The following SRSF10 variants were observed in gnomAD, a reference collection of about 807,000 sequenced individuals.
The protein encoded by SRSF10 is serine/arginine-rich splicing factor 10.
In SRSF10, 9 loss-of-function variants were observed where a neutral mutation model predicts 32.6. The observed-to-expected ratio is 0.28, with a 90% CI of 0.17 to 0.48. The LOEUF (loss-of-function observed/expected upper bound fraction) is 0.48. SRSF10 is among the 20% of genes least tolerant of loss of function. The pLI is 0.99. For missense variants in SRSF10, 201 were observed against 331.8 expected, an observed-to-expected ratio of 0.61 and a Z score of 3.06; for synonymous variants, 105 against 112.4, an observed-to-expected ratio of 0.93 and a Z score of 0.42.
At position 23,975,012 on chromosome 1, in the gene SRSF10, C is replaced by T. The variant is rs1305036577; in HGVS notation, c.236G>A (p.Arg79Gln). The change falls in exon 3 of 6, where the codon CGG becomes CAG. Residue 79 changes from arginine (R) to glutamine (Q), a missense_variant. Transcript: ENST00000492112. Reference protein sequence around the residue: ...HNLDRKWICGRQIEIQFAQGD... With the variant: ...HNLDRKWICGQQIEIQFAQGD... ...CTGGGCAAACTGTATTTCAATCTGC[C>T]GTCCACAAATCCACTTTCTGTCCAA... The T allele has an allele frequency of 3.1e-6, 5 of 1,613,746 alleles. No individual in the cohort carries two copies. The highest frequency in any genetic ancestry group is 4.2e-6 in the Non-Finnish European group (5 of 1,179,836).
intron 1 of SRSF10, 166 bp from the exon 2 acceptor site, chr1:23,978,983 A>G: frequency 2.6e-6 from 1 of 389,370 alleles, no homozygotes; most frequent in Non-Finnish European, 4.5e-6. Flanking sequence ...CAAGGGAATG[A>G]CCACAACTTA....
intron 3 of SRSF10, among the ~76,000 whole-genome samples, chr1:23,974,755 G>T (rs1299053242): frequency 6.6e-6 from 1 of 151,902 alleles, no homozygotes; most frequent in East Asian, 1.9e-4. Context: ...TTTGAACCCG[G>T]GAGGTGGTGG....
Position 23,965,971 on chromosome 1 carries a change from C to T in SRSF10, c.*5171G>A, listed in dbSNP as rs943111379. ...AACCCCTATGTTAATGAGTGTATAA[C>T]GGTATACAACAAAATACTTTTTGTA... On this transcript the variant is annotated 3_prime_UTR_variant, in exon 6 of 6. Coordinates refer to ENST00000492112, the MANE Select transcript of SRSF10 (RefSeq NM_054016.4). The T allele has an allele frequency of 5.3e-5, 8 of 151,880 alleles. No individual in the cohort carries two copies. Among genetic ancestry groups the T allele is most frequent in the Admixed American group, 3.3e-4 (5 of 15,248 alleles). The allele number at this position is 151,880 out of a possible 1,614,324, so 9.4% of individuals were successfully genotyped here.
chr1:23,975,100 G>T, intron 2 of SRSF10, 23 bp from the exon 3 acceptor site: 1 of 1,604,400 alleles, frequency 6.2e-7, no homozygotes, highest in Non-Finnish European at 8.5e-7. Flanking sequence ...AAGGGGCTTG[G>T]GAAGTTTTGC....
At chr1:23,975,098 TG>T in intron 2 of SRSF10, 21 bp from the exon 3 acceptor site, 9 of 1,604,952 alleles carry the variant, frequency 5.6e-6, no homozygotes, top group Non-Finnish European at 6.0e-6. Context: ...TTAAGGGGCT[TG>T]GGAAGTTTTG....
In SRSF10 at chr1:23,970,435, A is replaced by G. The variant is rs61772981; in HGVS notation, c.*707T>C. The G allele has an allele frequency of 1.2e-6, 1 of 814,206 alleles. No individual in the cohort carries two copies. Among genetic ancestry groups the G allele is most frequent in the Non-Finnish European group, 1.5e-6 (1 of 680,508 alleles). The allele number at this position is 814,206 out of a possible 1,614,324, so 50.4% of individuals were successfully genotyped here. A position where few individuals can be genotyped will look rare whatever the true frequency, so the allele number is the denominator to read the frequency against. On this transcript the variant is annotated 3_prime_UTR_variant, in exon 6 of 6. Coordinates refer to ENST00000492112, the MANE Select transcript of SRSF10 (RefSeq NM_054016.4). ...GAGTGCAGTGGCGTGATTTTGGCTCACTGCAACTTCTACCTCCCAGGTTCA... is the reference window on the plus strand; with the variant it reads ...GAGTGCAGTGGCGTGATTTTGGCTCGCTGCAACTTCTACCTCCCAGGTTCA...
chr1:23,973,216 AT>A (rs1641880774), intron 3 of SRSF10, among the ~76,000 whole-genome samples: 1 of 152,258 alleles, frequency 6.6e-6, no homozygotes, highest in African/African-American at 2.4e-5. Context: ...TAATACTAAT[AT>A]CCCCAACTAT....
At position 23,965,154 on chromosome 1, in the gene SRSF10, G is replaced by A. The variant is rs904846046; in HGVS notation, c.*5988C>T. On this transcript the variant is annotated 3_prime_UTR_variant, in exon 6 of 6. Coordinates refer to ENST00000492112, the MANE Select transcript of SRSF10 (RefSeq NM_054016.4). ...TTGCTCACTTCATCCTATTTATCAA[G>A]TCATCCTATCTAAAATGAGAATAGT... 42 of 152,040 alleles carry A rather than the reference G, an allele frequency of 2.8e-4. No individual in the cohort carries two copies. Among genetic ancestry groups the A allele is most frequent in the African/African-American group, 9.9e-4 (41 of 41,544 alleles). The allele number at this position is 152,040 out of a possible 1,614,324, so 9.4% of individuals were successfully genotyped here.
At chr1:23,972,740 C>T (rs1317441371) in intron 3 of SRSF10, among the ~76,000 whole-genome samples, 12 of 76,050 alleles carry the variant, frequency 1.6e-4, no homozygotes, top group Non-Finnish European at 1.3e-4. Flanking sequence ...CCGCACCCAG[C>T]CTGGAGTCTT....
Position 23,969,439 on chromosome 1 carries a change from T to G in SRSF10, c.*1703A>C. 1 of 985,170 alleles carries G rather than the reference T, an allele frequency of 1.0e-6. No individual in the cohort carries two copies. Among genetic ancestry groups the G allele is most frequent in the Non-Finnish European group, 1.2e-6 (1 of 829,416 alleles). The allele number at this position is 985,170 out of a possible 1,614,324, so 61.0% of individuals were successfully genotyped here. ...ACAGTAAAGAAATGAAAGTTAGAAA[T>G]ACTATCAAATATACAAAGGTTCTAG... On this transcript the variant is annotated 3_prime_UTR_variant, in exon 6 of 6. Coordinates refer to ENST00000492112, the MANE Select transcript of SRSF10 (RefSeq NM_054016.4).
chr1:23,971,104 G>T lies in SRSF10; in HGVS notation c.*38C>A, dbSNP rs1641728994. 6.5e-7 allele frequency: 1 copy of T among 1,544,924 alleles called. No homozygotes were observed. The highest frequency in any genetic ancestry group is 1.3e-5 in the South Asian group (1 of 78,676). ...TAAGTAAACCAAACTATGAGTAAATGAATGATACATGCCTAAAAATGACCA... is the reference window on the plus strand; with the variant it reads ...TAAGTAAACCAAACTATGAGTAAATTAATGATACATGCCTAAAAATGACCA... On this transcript the variant is annotated 3_prime_UTR_variant, in exon 6 of 6. Coordinates refer to ENST00000492112, the MANE Select transcript of SRSF10 (RefSeq NM_054016.4).
rs374900334 is a variant in SRSF10 at position 23,968,155 on chromosome 1, G to A, written c.*2987C>T. 2.0e-5 allele frequency among the ~76,000 whole-genome samples: 3 copies of A among 152,054 alleles called. No homozygotes were observed. Among genetic ancestry groups the A allele is most frequent in the African/African-American group, 7.2e-5 (3 of 41,404 alleles). On this transcript the variant is annotated 3_prime_UTR_variant, in exon 6 of 6. Coordinates refer to ENST00000492112, the MANE Select transcript of SRSF10 (RefSeq NM_054016.4). ...AACACTACGTAAAGATCCTCATCAA[G>A]TATCAGTAGGATCCAAACTACCATG...
Position 23,970,731 on chromosome 1 carries a change from T to C in SRSF10, c.*411A>G. 6.0e-6 allele frequency: 6 copies of C among 1,007,598 alleles called. No individual in the cohort carries two copies. The highest frequency in any genetic ancestry group is 5.9e-6 in the Non-Finnish European group (5 of 844,162). 62.4% of individuals were successfully genotyped at this position (1,007,598 alleles called of 1,614,324 possible). On this transcript the variant is annotated 3_prime_UTR_variant, in exon 6 of 6. Coordinates refer to ENST00000492112, the MANE Select transcript of SRSF10 (RefSeq NM_054016.4). ...TGTGTCTGAGCAGTCAGTGTTGTAC[T>C]GTGGCTACTACTTCACTTTTGTATC...
rs1641652649 is a variant in SRSF10 at position 23,970,076 on chromosome 1, C to G, written c.*1066G>C. The G allele has an allele frequency of 1.2e-5, 12 of 985,372 alleles. No homozygotes were observed. The South Asian group carries it at 4.7e-4, about 39-fold the overall frequency. The allele number at this position is 985,372 out of a possible 1,614,324, so 61.0% of individuals were successfully genotyped here. The stretch of plus-strand genomic sequence containing the variant: ...ACTTAACAGCAGTAAGAAAACTAAG[C>G]AATATTATGGTCAACAACGCTCCTT... On this transcript the variant is annotated 3_prime_UTR_variant, in exon 6 of 6. Transcript: ENST00000492112.
In SRSF10 at chr1:23,969,145, G is replaced by A; in HGVS notation, c.*1997C>T. ...TTACAGCAAGCAGAAAATAAGCTGG[G>A]TCTTGTTTTGATCCAAACATTGATG... On this transcript the variant is annotated 3_prime_UTR_variant, in exon 6 of 6. Transcript: ENST00000492112. The A allele has an allele frequency of 3.0e-6, 3 of 985,270 alleles. No individual in the cohort carries two copies. The highest frequency in any genetic ancestry group is 3.6e-6 in the Non-Finnish European group (3 of 829,562). 61.0% of individuals were successfully genotyped at this position (985,270 alleles called of 1,614,324 possible).
intron 2 of SRSF10, chr1:23,977,892 T>C: frequency 1.0e-6 from 1 of 962,024 alleles, no homozygotes; most frequent in Non-Finnish European, 1.2e-6. Context: ...AAAAGAAAAA[T>C]AGTTATTCTG....
intron 2 of SRSF10, 118 bp downstream of exon 2, chr1:23,978,595 T>G (rs1642225489): frequency 7.7e-7 from 1 of 1,305,610 alleles, no homozygotes; most frequent in African/African-American, 1.5e-5. Context: ...TTCAAAAATT[T>G]GAAGACAGAC....
intron 2 of SRSF10, chr1:23,975,310 AAAGTT>A (rs1188088912): frequency 1.3e-5 from 6 of 456,136 alleles, no homozygotes; most frequent in African/African-American, 6.0e-5. Context: ...ATATTGCAGT[AAAGTT>A]ATTATTGAAA....
Position 23,970,228 on chromosome 1 carries a change from A to G in SRSF10, c.*914T>C. 1 of 985,436 alleles carries G rather than the reference A, an allele frequency of 1.0e-6. No homozygotes were observed. The highest frequency in any genetic ancestry group is 1.2e-6 in the Non-Finnish European group (1 of 829,928). 61.0% of individuals were successfully genotyped at this position (985,436 alleles called of 1,614,324 possible). ...GTTCCAAATCTTCATAGGAACCAGA[A>G]AAAAAGCAGTGAAGGCTCCATGTTT... On this transcript the variant is annotated 3_prime_UTR_variant, in exon 6 of 6. Transcript: ENST00000492112.
Sources: gnomAD v4.1 joint callset for allele counts (sites outside exome capture counted in the v4.1 genomes callset) on GRCh38, gnomAD v4.1.1 for gene constraint, MANE v1.5 for transcripts, NCBI Gene and HGNC (gene_info 2026-07-23, HGNC 2026-07-21) for gene names.